ZNF536: variants seen among roughly 807,000 people sequenced by gnomAD.
The protein encoded by ZNF536 is zinc finger protein 536.
Under a neutral mutation model 84.5 loss-of-function variants are expected in ZNF536, and 13 were observed. That is an observed-to-expected ratio of 0.15 (90% CI 0.10 to 0.24). The LOEUF is 0.24. ZNF536 is among the 10% of genes least tolerant of loss of function. ZNF536 has a pLI of 1.00. For missense variants in ZNF536, 1,536 were observed against 1,747.5 expected, an observed-to-expected ratio of 0.88 and a Z score of 2.16; for synonymous variants, 811 against 742.5, an observed-to-expected ratio of 1.09 and a Z score of -1.50.
chr19:30,455,547 C>A (rs1190172361), intron 2 of ZNF536, among the ~76,000 whole-genome samples: 1 of 151,960 alleles, frequency 6.6e-6, no homozygotes, highest in Non-Finnish European at 1.5e-5. Flanking sequence ...ACAAAAAATA[C>A]AAAAATTAGC....
rs778631250 is a variant in ZNF536 at position 30,548,492 on chromosome 19, A to G, written c.2873A>G (p.Lys958Arg). 24 of 1,613,998 alleles carry G rather than the reference A, an allele frequency of 1.5e-5. No homozygotes were observed. Among genetic ancestry groups the G allele is most frequent in the Non-Finnish European group, 2.0e-5 (24 of 1,180,030 alleles). Residue 958 changes from lysine to arginine, a missense_variant, in exon 4 of 5, where the codon AAA (lysine) becomes AGA (arginine). This residue lies in a region of ZNF536 where 624 missense variants were observed against 603.1 expected (regional missense o/e 1.03). Transcript: ENST00000355537. The part of the protein sequence containing the change: ...KVHGVDGGEE[K>R]PSGKSSQRKS... ...CACGGAGTGGATGGTGGTGAGGAGA[A>G]ACCCAGTGGCAAGTCCTCCCAGAGG...
At chr19:30,509,533 CAT>C (rs1284753039) in intron 2 of ZNF536, among the ~76,000 whole-genome samples, 5 of 148,512 alleles carry the variant, frequency 3.4e-5, no homozygotes, top group South Asian at 2.1e-4. Context: ...TATATAGTAA[CAT>C]ATATTTATAT....
chr19:30,543,449 G>A (rs1184697214), intron 3 of ZNF536, among the ~76,000 whole-genome samples: 3 of 152,230 alleles, frequency 2.0e-5, no homozygotes, highest in Middle Eastern at 3.2e-3. Context: ...GGGCTGCCCA[G>A]GCAATGCAGA....
At chr19:30,658,664 A>G (rs1185266335) in intron 1 of ZNF536, among the ~76,000 whole-genome samples, 1 of 151,956 alleles carries the variant, frequency 6.6e-6, no homozygotes, top group Non-Finnish European at 1.5e-5. Flanking sequence ...TGTGGGTCCC[A>G]TTTTAACTTC....
intron 2 of ZNF536, among the ~76,000 whole-genome samples, chr19:30,335,025 C>A (rs1046915897): frequency 6.6e-6 from 1 of 152,156 alleles, no homozygotes; most frequent in African/African-American, 2.4e-5. Flanking sequence ...TAACAAGACA[C>A]GGACTGTCAG....
intron 1 of ZNF536, among the ~76,000 whole-genome samples, chr19:30,709,886 G>A (rs1293478815): frequency 6.6e-6 from 1 of 152,160 alleles, no homozygotes; most frequent in Non-Finnish European, 1.5e-5. Context: ...CAAAGTGTTG[G>A]GATTCCAGGC....
chr19:30,432,262 G>T (rs1216442077), intron 1 of ZNF536, among the ~76,000 whole-genome samples: 2 of 152,132 alleles, frequency 1.3e-5, no homozygotes, highest in Non-Finnish European at 2.9e-5. Flanking sequence ...GACACCGTGG[G>T]CAACGTCCCC....
rs79481453 is a variant in ZNF536 at position 30,697,976 on chromosome 19, G to C, written c.170-12781G>C. Among the ~76,000 whole-genome samples the C allele has an allele frequency of 9.7e-3, 1,474 of 152,328 alleles. 36 individuals carry two copies. The highest frequency in any genetic ancestry group is 0.034 in the African/African-American group (1,397 of 41,566). The stretch of plus-strand genomic sequence containing the variant: ...CTTTCAAAATAAACTTTTAATTTTA[G>C]TATGGATTTAGATTTATAAAAATGT... On this transcript the variant is annotated intron_variant, in intron 1 of 1. Coordinates refer to the ZNF536 transcript ENST00000592773.
chr19:30,510,229 A>G (rs2145507736), intron 2 of ZNF536, among the ~76,000 whole-genome samples: 1 of 152,328 alleles, frequency 6.6e-6, no homozygotes, highest in South Asian at 2.1e-4. Context: ...AGGCATGTTC[A>G]TTAATTTTCA....
At chr19:30,245,194 A>G (rs2024185722) in intron 1 of ZNF536, among the ~76,000 whole-genome samples, 1 of 152,168 alleles carries the variant, frequency 6.6e-6, no homozygotes, top group African/African-American at 2.4e-5. Flanking sequence ...CCCCAGCACA[A>G]TGCTCAGGTC....
At chr19:30,528,790 G>A (rs2044689174) in intron 2 of ZNF536, among the ~76,000 whole-genome samples, 1 of 152,158 alleles carries the variant, frequency 6.6e-6, no homozygotes, top group Non-Finnish European at 1.5e-5. Flanking sequence ...GAGAAGTTGG[G>A]ATACGTAGGG....
intron 1 of ZNF536, among the ~76,000 whole-genome samples, chr19:30,677,812 C>T (rs2050807207): frequency 6.6e-6 from 1 of 152,140 alleles, no homozygotes; most frequent in Admixed American, 6.5e-5. Flanking sequence ...CTGCACGTGG[C>T]CTGCCCCCTC....
At chr19:30,275,537 G>C (rs1471135475) in intron 1 of ZNF536, among the ~76,000 whole-genome samples, 1 of 152,108 alleles carries the variant, frequency 6.6e-6, no homozygotes, top group African/African-American at 2.4e-5. Context: ...GTTGCCTTGC[G>C]TTGGGGCACA....
intron 2 of ZNF536, among the ~76,000 whole-genome samples, chr19:30,336,526 A>G (rs1233218972): frequency 6.6e-6 from 1 of 152,152 alleles, no homozygotes. Context: ...GGGCTGTTGA[A>G]GGCTTATTAG....
chr19:30,499,408 T>C (rs2054859786), intron 2 of ZNF536, among the ~76,000 whole-genome samples: 1 of 152,200 alleles, frequency 6.6e-6, no homozygotes, highest in Non-Finnish European at 1.5e-5. Flanking sequence ...TATGTATCTA[T>C]CTGTGTTTGT....
intron 1 of ZNF536, among the ~76,000 whole-genome samples, chr19:30,248,053 A>C (rs1599876019): frequency 1.3e-5 from 2 of 152,290 alleles, no homozygotes; most frequent in Non-Finnish European, 2.9e-5. Context: ...CTGTTCACAA[A>C]AGAGCCACAT....
At chr19:30,687,803 G>A (rs1464254058) in intron 1 of ZNF536, among the ~76,000 whole-genome samples, 1 of 152,012 alleles carries the variant, frequency 6.6e-6, no homozygotes, top group Non-Finnish European at 1.5e-5. Flanking sequence ...CTATTTTATA[G>A]AATATGCCTA....
At chr19:30,404,019 CTTTTT>C (rs11336660) in intron 1 of ZNF536, among the ~76,000 whole-genome samples, 93 of 123,376 alleles carry the variant, frequency 7.5e-4, no homozygotes, top group African/African-American at 2.6e-3. Context: ...TTCCTTTCCT[CTTTTT>C]TTTTTTTTTT....
chr19:30,307,676 A>G (rs1368671076), intron 2 of ZNF536, among the ~76,000 whole-genome samples: 1 of 152,068 alleles, frequency 6.6e-6, no homozygotes, highest in Non-Finnish European at 1.5e-5. Flanking sequence ...TTCTTTTTCT[A>G]TTAAAATACA....
Sources: gnomAD v4.1 joint callset for allele counts (sites outside exome capture counted in the v4.1 genomes callset) on GRCh38, gnomAD v4.1.1 for gene constraint, gnomAD v4.1.1 regional missense constraint, MANE v1.5 for transcripts, NCBI Gene and HGNC (gene_info 2026-07-23, HGNC 2026-07-21) for gene names.